ROBO2: variants seen among roughly 807,000 people sequenced by gnomAD.
ROBO2 encodes roundabout guidance receptor 2, also known as roundabout homolog 2.
ROBO2 carries 53 observed loss-of-function variants against 160.8 expected under a neutral mutation model. That is an observed-to-expected ratio of 0.33 (90% CI 0.26 to 0.41). The LOEUF (loss-of-function observed/expected upper bound fraction) is 0.41. Among genes scored for constraint, ROBO2 ranks in the 10% least tolerant of loss-of-function variants. The pLI is 1.00. For missense variants in ROBO2, 1,577 were observed against 1,722.4 expected (o/e 0.92, Z 1.49); for synonymous variants, 664 against 611.7 (o/e 1.09, Z -1.26).
At chr3:76,273,432 C>T (rs1396671239) in intron 2 of ROBO2, among the ~76,000 whole-genome samples, 1 of 151,984 alleles carries the variant, frequency 6.6e-6, no homozygotes, top group African/African-American at 2.4e-5. Flanking sequence ...TGCTCTCACA[C>T]TGCTATAAAG....
intron 2 of ROBO2, among the ~76,000 whole-genome samples, chr3:76,910,589 G>C (rs1050331015): frequency 7.9e-5 from 12 of 151,802 alleles, no homozygotes; most frequent in African/African-American, 2.7e-4. Flanking sequence ...AGCTGGGCGT[G>C]GTGGCATGCA....
chr3:77,355,115 T>A (rs1193008234), intron 2 of ROBO2, among the ~76,000 whole-genome samples: 1 of 152,076 alleles, frequency 6.6e-6, no homozygotes, highest in African/African-American at 2.4e-5. Flanking sequence ...TGATCAACCC[T>A]TCCTCCCATC....
At chr3:77,490,637 C>A (rs1231099681) in intron 4 of ROBO2, among the ~76,000 whole-genome samples, 2 of 152,126 alleles carry the variant, frequency 1.3e-5, no homozygotes, top group African/African-American at 2.4e-5. Flanking sequence ...ATAAGAGGTT[C>A]ATTTTTCTCA....
intron 2 of ROBO2, among the ~76,000 whole-genome samples, chr3:77,392,185 A>G (rs925538990): frequency 2.6e-5 from 4 of 152,130 alleles, no homozygotes; most frequent in Admixed American, 6.6e-5. Context: ...GATTGTAAAC[A>G]TGAGGTATTG....
At chr3:77,076,233 T>A (rs1333216972) in intron 1 of ROBO2, among the ~76,000 whole-genome samples, 3 of 152,112 alleles carry the variant, frequency 2.0e-5, no homozygotes, top group Admixed American at 6.5e-5. Context: ...TTTTCTCCTG[T>A]ATTGATGGTT....
intron 2 of ROBO2, among the ~76,000 whole-genome samples, chr3:77,150,912 A>T (rs2150523584): frequency 6.6e-6 from 1 of 152,298 alleles, no homozygotes; most frequent in African/African-American, 2.4e-5. Flanking sequence ...ACCATGTGAA[A>T]GTCAAGTTTA....
intron 2 of ROBO2, 37 bp downstream of exon 2, chr3:77,098,377 TTTTA>T (rs1167748957): frequency 1.9e-6 from 3 of 1,598,682 alleles, no homozygotes; most frequent in African/African-American, 1.3e-5. Flanking sequence ...GCACATTTAC[TTTTA>T]TTTATTTCAA....
chr3:76,169,200 T>C (rs1305496429), intron 2 of ROBO2, among the ~76,000 whole-genome samples: 4 of 152,160 alleles, frequency 2.6e-5, no homozygotes, highest in Non-Finnish European at 5.9e-5. Context: ...TCCCACTTTA[T>C]TGATGAGAAA....
chr3:75,909,286 A>G (rs574790047), intron 1 of ROBO2, among the ~76,000 whole-genome samples: 1 of 152,130 alleles, frequency 6.6e-6, no homozygotes, highest in African/African-American at 2.4e-5. Flanking sequence ...TTTCAAAGAG[A>G]GTTTGTGAGT....
intron 2 of ROBO2, among the ~76,000 whole-genome samples, chr3:76,209,746 C>G (rs573400161): frequency 3.3e-5 from 5 of 152,198 alleles, no homozygotes; most frequent in African/African-American, 1.2e-4. Context: ...GGAATTATTT[C>G]ATAGCAGCTG....
intron 2 of ROBO2, among the ~76,000 whole-genome samples, chr3:76,260,466 A>T (rs569343055): frequency 2.6e-5 from 4 of 152,176 alleles, no homozygotes; most frequent in Non-Finnish European, 5.9e-5. Context: ...CTTTGCTTTG[A>T]TTAATATGTG....
intron 2 of ROBO2, among the ~76,000 whole-genome samples, chr3:77,397,798 G>C (rs1581634805): frequency 6.6e-6 from 1 of 151,988 alleles, no homozygotes; most frequent in Non-Finnish European, 1.5e-5. Flanking sequence ...TATAATTTTT[G>C]TTTTGTAAAA....
At chr3:76,749,812 A>C (rs1315217247) in intron 2 of ROBO2, among the ~76,000 whole-genome samples, 1 of 151,866 alleles carries the variant, frequency 6.6e-6, no homozygotes, top group Admixed American at 6.6e-5. Context: ...CAGGTTTAAG[A>C]TGGCACAACC....
At chr3:76,785,873 C>G (rs567981715) in intron 2 of ROBO2, among the ~76,000 whole-genome samples, 13 of 151,370 alleles carry the variant, frequency 8.6e-5, no homozygotes, top group African/African-American at 3.1e-4. Flanking sequence ...TAATTTGGAT[C>G]TGCTACAATT....
intron 2 of ROBO2, among the ~76,000 whole-genome samples, chr3:77,284,591 A>G (rs530340128): frequency 6.6e-6 from 1 of 152,256 alleles, no homozygotes; most frequent in South Asian, 2.1e-4. Context: ...CATCTTCACT[A>G]GTCAAACAAT....
intron 2 of ROBO2, among the ~76,000 whole-genome samples, chr3:76,749,320 A>G (rs2108195171): frequency 6.6e-6 from 1 of 152,130 alleles, no homozygotes; most frequent in African/African-American, 2.4e-5. Context: ...CCTTAAAGTC[A>G]TCTCAACTCA....
chr3:77,118,465 T>A (rs1431896778), intron 2 of ROBO2, among the ~76,000 whole-genome samples: 1 of 152,194 alleles, frequency 6.6e-6, no homozygotes, highest in East Asian at 1.9e-4. Flanking sequence ...ACTAAACATT[T>A]ATTGGTTTTA....
chr3:76,869,265 C>G (rs1020213866), intron 2 of ROBO2, among the ~76,000 whole-genome samples: 2 of 149,116 alleles, frequency 1.3e-5, no homozygotes, highest in African/African-American at 5.0e-5. Flanking sequence ...TTGCTAATAA[C>G]TTAAATAACA....
chr3:76,677,825 T>G (rs1195496488), intron 2 of ROBO2, among the ~76,000 whole-genome samples: 3 of 152,058 alleles, frequency 2.0e-5, no homozygotes, highest in African/African-American at 7.2e-5. Flanking sequence ...AATAATCATA[T>G]AAGATATTAC....
Sources: allele counts gnomAD v4.1 joint callset (sites outside exome capture counted in the v4.1 genomes callset), GRCh38; gene constraint gnomAD v4.1.1; transcripts MANE v1.5; gene names NCBI Gene and HGNC (gene_info 2026-07-23, HGNC 2026-07-21).